CCSER1: variants seen among roughly 807,000 people sequenced by gnomAD.
CCSER1 encodes coiled-coil serine rich protein 1.
Under a neutral mutation model 82.0 loss-of-function variants are expected in CCSER1, and 41 were observed. That is an observed-to-expected ratio of 0.50 (90% CI 0.39 to 0.65). The LOEUF (loss-of-function observed/expected upper bound fraction) is 0.65, where lower values mean the gene tolerates loss of function less well. Ranked by LOEUF, CCSER1 falls within the 30% of genes least tolerant of loss-of-function variation. The pLI, the probability that CCSER1 is intolerant of heterozygous loss-of-function variation, is 0.00. For synonymous variants in CCSER1, 414 were observed against 383.9 expected (o/e 1.08, Z -0.92); for missense variants, 1,119 against 1,064.2 (o/e 1.05, Z -0.72).
chr4:90,579,427 A>G (rs1781164548), intron 5 of CCSER1, among the ~76,000 whole-genome samples: 1 of 152,200 alleles, frequency 6.6e-6, no homozygotes, highest in Admixed American at 6.5e-5. Context: ...CTAGCTACCA[A>G]TGACATAAAA....
intron 6 of CCSER1, among the ~76,000 whole-genome samples, chr4:90,709,804 A>G (rs956869576): frequency 6.6e-6 from 1 of 152,150 alleles, no homozygotes; most frequent in African/African-American, 2.4e-5. Context: ...ATACCCAGTA[A>G]TGGGATTGCT....
At chr4:90,215,018 C>A (rs1560810953) in intron 1 of CCSER1, among the ~76,000 whole-genome samples, 1 of 152,142 alleles carries the variant, frequency 6.6e-6, no homozygotes, top group Non-Finnish European at 1.5e-5. Context: ...TGAATTCTAA[C>A]AGCTCATTAA....
intron 1 of CCSER1, among the ~76,000 whole-genome samples, chr4:90,226,684 C>T (rs1578599616): frequency 6.6e-6 from 1 of 152,332 alleles, no homozygotes; most frequent in South Asian, 2.1e-4. Context: ...GGGGCTTTGG[C>T]TTTCCACCTT....
intron 9 of CCSER1, among the ~76,000 whole-genome samples, chr4:90,929,160 C>T (rs1015708217): frequency 5.3e-5 from 8 of 151,852 alleles, no homozygotes; most frequent in Admixed American, 2.0e-4. Context: ...TGTATATCAG[C>T]GTATCCGATT....
At chr4:90,745,312 T>C (rs1213934050) in intron 7 of CCSER1, among the ~76,000 whole-genome samples, 6 of 152,184 alleles carry the variant, frequency 3.9e-5, no homozygotes, top group Non-Finnish European at 5.9e-5. Context: ...ATCTTCTGTC[T>C]CCCATTTTTG....
chr4:90,226,706 T>C (rs896191124), intron 1 of CCSER1, among the ~76,000 whole-genome samples: 1 of 152,218 alleles, frequency 6.6e-6, no homozygotes, highest in African/African-American at 2.4e-5. Flanking sequence ...TTGAGATACG[T>C]GACTGTTGTG....
At chr4:90,897,163 C>A (rs983137435) in intron 8 of CCSER1, among the ~76,000 whole-genome samples, 1 of 151,546 alleles carries the variant, frequency 6.6e-6, no homozygotes, top group Non-Finnish European at 1.5e-5. Context: ...TTCCTGGGTT[C>A]TTTTGCAGGT....
At chr4:90,833,741 G>T (rs1190142601) in intron 8 of CCSER1, among the ~76,000 whole-genome samples, 1 of 152,118 alleles carries the variant, frequency 6.6e-6, no homozygotes, top group East Asian at 1.9e-4. Flanking sequence ...TGGCTTGAAT[G>T]TGTCCCTCAA....
At chr4:91,534,898 A>G (rs1451129882) in intron 10 of CCSER1, among the ~76,000 whole-genome samples, 1 of 151,822 alleles carries the variant, frequency 6.6e-6, no homozygotes, top group Non-Finnish European at 1.5e-5. Flanking sequence ...CAACAATCCA[A>G]CATTCTTCTA....
At chr4:90,509,202 G>A (rs1414520851) in intron 5 of CCSER1, among the ~76,000 whole-genome samples, 2 of 152,084 alleles carry the variant, frequency 1.3e-5, no homozygotes, top group East Asian at 1.9e-4. Context: ...ATAGCATAAA[G>A]TAGGTAATTG....
intron 1 of CCSER1, among the ~76,000 whole-genome samples, chr4:90,175,750 G>A (rs781339329): frequency 5.9e-5 from 9 of 151,930 alleles, no homozygotes; most frequent in Non-Finnish European, 1.0e-4. Context: ...ACAGCTTATT[G>A]TAGGTCAGTT....
intron 10 of CCSER1, among the ~76,000 whole-genome samples, chr4:91,406,251 G>A (rs1390661324): frequency 6.6e-6 from 1 of 152,110 alleles, no homozygotes; most frequent in Non-Finnish European, 1.5e-5. Flanking sequence ...AGCAATTCAT[G>A]CTTTGCATCA....
At chr4:91,050,485 T>C (rs757474742) in intron 9 of CCSER1, among the ~76,000 whole-genome samples, 14 of 151,814 alleles carry the variant, frequency 9.2e-5, no homozygotes, top group Non-Finnish European at 2.1e-4. Context: ...TTTGTGTAAA[T>C]GGTTTAACTC....
Position 90,294,186 on chromosome 4 carries a change from G to C in CCSER1, c.-41-14058G>C, listed in dbSNP as rs1208212249. On this transcript the variant is annotated intron_variant, in intron 1 of 10. Transcript: ENST00000509176. ...CACTTGGATTGAAAATCTATATAAAGTATAAATTTTACTATTAAAATGTAG... is the reference window on the plus strand; with the variant it reads ...CACTTGGATTGAAAATCTATATAAACTATAAATTTTACTATTAAAATGTAG... Among the ~76,000 whole-genome samples the C allele has an allele frequency of 2.6e-5, 4 of 151,942 alleles. No homozygotes were observed. In the East Asian group the frequency reaches 5.8e-4, roughly 22 times the overall value.
At chr4:90,523,962 A>G (rs905761155) in intron 5 of CCSER1, among the ~76,000 whole-genome samples, 6 of 152,168 alleles carry the variant, frequency 3.9e-5, no homozygotes, top group African/African-American at 1.4e-4. Context: ...CTAGGTGAAG[A>G]GATGGAACAT....
intron 4 of CCSER1, among the ~76,000 whole-genome samples, chr4:90,442,704 C>G (rs1352211511): frequency 6.6e-6 from 1 of 152,126 alleles, no homozygotes; most frequent in African/African-American, 2.4e-5. Flanking sequence ...ACAAATAGTT[C>G]TCCTGATAAG....
At chr4:90,296,511 T>C (rs537795864) in intron 1 of CCSER1, among the ~76,000 whole-genome samples, 33 of 152,324 alleles carry the variant, frequency 2.2e-4, no homozygotes, top group African/African-American at 7.5e-4. Flanking sequence ...ACCCCATTTG[T>C]CAATTTTGGC....
chr4:90,927,794 A>G (rs1298914102), intron 9 of CCSER1, among the ~76,000 whole-genome samples: 1 of 152,018 alleles, frequency 6.6e-6, no homozygotes, highest in Non-Finnish European at 1.5e-5. Flanking sequence ...AAATATGAAA[A>G]TAGTTCATCA....
At chr4:90,311,253 CT>C (rs1438120294) in intron 2 of CCSER1, among the ~76,000 whole-genome samples, 3 of 151,932 alleles carry the variant, frequency 2.0e-5, no homozygotes, top group African/African-American at 7.2e-5. Context: ...TGCAATTATC[CT>C]GACATATCTA....
Sources: allele counts gnomAD v4.1 joint callset (sites outside exome capture counted in the v4.1 genomes callset), GRCh38; gene constraint gnomAD v4.1.1; transcripts MANE v1.5; gene names NCBI Gene and HGNC (gene_info 2026-07-23, HGNC 2026-07-21).